Variants in LGR4 observed in about 807,000 individuals in gnomAD.
LGR4 encodes the protein leucine-rich repeat-containing G protein-coupled receptor 4.
Under a neutral mutation model 84.8 loss-of-function variants are expected in LGR4, and 44 were observed. That is an observed-to-expected ratio of 0.52 (90% CI 0.41 to 0.67). LGR4 has a LOEUF of 0.67. Ranked by LOEUF, LGR4 falls within the 30% of genes least tolerant of loss-of-function variation. The probability of loss-of-function intolerance (pLI) is 0.00; values close to 1 mark genes in which losing one functional copy is unlikely to be tolerated. For synonymous variants in LGR4, 429 were observed against 434.3 expected, an observed-to-expected ratio of 0.99 and a Z score of 0.15; for missense variants, 1,032 against 1,131.4, an observed-to-expected ratio of 0.91 and a Z score of 1.26.
At chr11:27,436,373 G>GAAAGAA (rs768756233) in intron 1 of LGR4, among the ~76,000 whole-genome samples, 70 of 133,786 alleles carry the variant, frequency 5.2e-4, no homozygotes, top group African/African-American at 1.9e-3. Context: ...AAGAAAGAAA[G>GAAAGAA]AGAGAGAGAG....
At chr11:27,463,789 A>AAAAAC (rs764369210) in intron 1 of LGR4, among the ~76,000 whole-genome samples, 6 of 152,346 alleles carry the variant, frequency 3.9e-5, no homozygotes, top group African/African-American at 1.4e-4. Context: ...TCCATCTCAA[A>AAAAAC]AAAACAAAAC....
intron 1 of LGR4, among the ~76,000 whole-genome samples, chr11:27,459,419 T>G (rs535466644): frequency 1.3e-5 from 2 of 151,872 alleles, no homozygotes; most frequent in South Asian, 2.1e-4. Context: ...CAGCGGGGGG[T>G]TTTTCCTCCT....
At chr11:27,437,966 T>C (rs182020104) in intron 1 of LGR4, among the ~76,000 whole-genome samples, 17 of 152,080 alleles carry the variant, frequency 1.1e-4, no homozygotes, top group South Asian at 4.2e-4. Context: ...CAGTGAGCTA[T>C]GATCGCTCCA....
chr11:27,398,257 T>C (rs900172959), intron 2 of LGR4, among the ~76,000 whole-genome samples: 4 of 152,224 alleles, frequency 2.6e-5, no homozygotes, highest in African/African-American at 9.6e-5. Flanking sequence ...TGTGAAGGAC[T>C]AGGCCACATG....
chr11:27,454,538 T>A (rs1449571438), intron 1 of LGR4, among the ~76,000 whole-genome samples: 1 of 152,096 alleles, frequency 6.6e-6, no homozygotes, highest in Non-Finnish European at 1.5e-5. Context: ...GGCAGATAGA[T>A]TGCCTGAGGT....
Position 27,472,609 on chromosome 11 carries a change from C to G in LGR4, c.-307G>C, listed in dbSNP as rs1040703427. 2.2e-5 allele frequency: 8 copies of G among 368,596 alleles called. No homozygotes were observed. Among genetic ancestry groups the G allele is most frequent in the Admixed American group, 9.2e-5 (2 of 21,630 alleles). The allele number at this position is 368,596 out of a possible 1,614,324, so 22.8% of individuals were successfully genotyped here. On this transcript the variant is annotated 5_prime_UTR_variant, in exon 1 of 18. Transcript: ENST00000379214. The stretch of plus-strand genomic sequence containing the variant: ...CGCGCTCTGCCATCGCACCGGTCTC[C>G]CTGTCCCTGGCCTCTCAATGCAGCG...
At chr11:27,414,426 C>A (rs1318006407) in intron 1 of LGR4, among the ~76,000 whole-genome samples, 1 of 151,486 alleles carries the variant, frequency 6.6e-6, no homozygotes, top group Admixed American at 6.6e-5. Context: ...AAAAAGAGGA[C>A]CAGGAATAGC....
intron 2 of LGR4, among the ~76,000 whole-genome samples, chr11:27,408,619 C>T (rs1590369848): frequency 6.6e-6 from 1 of 152,112 alleles, no homozygotes; most frequent in South Asian, 2.1e-4. Flanking sequence ...GAGCCAAAAA[C>T]ATGTCTGACA....
In LGR4 at chr11:27,376,312, A is replaced by G. The variant is rs1178256108; in HGVS notation, c.1168T>C (p.Ser390Pro). ...IKEGTFQGLISLRILDLSRNL... is the reference protein window; with the variant it reads ...IKEGTFQGLIPLRILDLSRNL... ...AGACAAACTTACAGAATCCTTAGAG[A>G]TATCAGGCCTTGAAAGGTGCCTTCC... Residue 390 changes from serine to proline, a missense_variant, in exon 13 of 18, where the codon TCT becomes CCT. Coordinates refer to ENST00000379214, the MANE Select transcript of LGR4 (RefSeq NM_018490.5). The G allele has an allele frequency of 5.7e-6, 9 of 1,577,254 alleles. 1 individual carries two copies. The South Asian group carries it at 9.0e-5, about 16-fold the overall frequency.
At chr11:27,403,754 C>A (rs1461454527) in intron 2 of LGR4, among the ~76,000 whole-genome samples, 1 of 152,134 alleles carries the variant, frequency 6.6e-6, no homozygotes, top group Non-Finnish European at 1.5e-5. Context: ...AAATATGATA[C>A]ATCTTCAAGA....
chr11:27,384,157 C>T, intron 6 of LGR4, 179 bp downstream of exon 6: 1 of 505,408 alleles, frequency 2.0e-6, no homozygotes, highest in South Asian at 3.1e-5. Flanking sequence ...CATTTTTAGC[C>T]ATGGACTTAG....
intron 16 of LGR4, among the ~76,000 whole-genome samples, chr11:27,372,056 AGT>A (rs1337834958): frequency 6.6e-6 from 1 of 152,026 alleles, no homozygotes; most frequent in Non-Finnish European, 1.5e-5. Context: ...ATATAGAGAG[AGT>A]CTCACTTTGT....
Position 27,383,011 on chromosome 11 carries a change from G to A in LGR4, c.690-755C>T, listed in dbSNP as rs1053859093. On this transcript the variant is annotated intron_variant, in intron 6 of 17. Coordinates refer to ENST00000379214, the MANE Select transcript of LGR4 (RefSeq NM_018490.5). ...CAGCCTGGTGACAAAGCGAGACTCT[G>A]TCTCAAAAAAAATAAAAAATAAAAA... 7.2e-5 allele frequency among the ~76,000 whole-genome samples: 11 copies of A among 151,896 alleles called. No individual in the cohort carries two copies. In the South Asian group the frequency reaches 1.0e-3, roughly 14 times the overall value.
intron 1 of LGR4, among the ~76,000 whole-genome samples, chr11:27,417,588 C>T (rs1325804883): frequency 6.6e-6 from 1 of 152,082 alleles, no homozygotes; most frequent in East Asian, 1.9e-4. Context: ...GACACTATTC[C>T]ATATTTTGGG....
At chr11:27,439,546 A>G (rs888059334) in intron 1 of LGR4, among the ~76,000 whole-genome samples, 3 of 152,168 alleles carry the variant, frequency 2.0e-5, no homozygotes, top group Non-Finnish European at 2.9e-5. Flanking sequence ...GTGTGCAAAT[A>G]TTTCTTTTAA....
intron 1 of LGR4, among the ~76,000 whole-genome samples, chr11:27,437,991 GAGCAACAC>G: frequency 6.6e-6 from 1 of 152,018 alleles, no homozygotes; most frequent in South Asian, 2.1e-4. Context: ...ACTCCAGCCT[GAGCAACAC>G]AGCAAGACTC....
chr11:27,370,467 C>T (rs1862859237), intron 17 of LGR4, among the ~76,000 whole-genome samples: 1 of 152,190 alleles, frequency 6.6e-6, no homozygotes. Context: ...AAGCAGCCTC[C>T]ACCGTCCCTG....
intron 1 of LGR4, among the ~76,000 whole-genome samples, chr11:27,418,340 A>T (rs983867308): frequency 6.6e-6 from 1 of 152,218 alleles, no homozygotes; most frequent in African/African-American, 2.4e-5. Context: ...GCCATGTTAG[A>T]TTTTGCTCCA....
intron 9 of LGR4, 113 bp from the exon 10 acceptor site, chr11:27,380,452 T>C: frequency 1.3e-6 from 1 of 776,206 alleles, no homozygotes; most frequent in Non-Finnish European, 2.1e-6. Context: ...TAGTTTCATC[T>C]CTTGAATGTA....
Sources: allele counts gnomAD v4.1 joint callset (sites outside exome capture counted in the v4.1 genomes callset), GRCh38; gene constraint gnomAD v4.1.1; transcripts MANE v1.5; gene names NCBI Gene and HGNC (gene_info 2026-07-23, HGNC 2026-07-21).